Variants in CYP2D6 observed in about 807,000 individuals in gnomAD.
CYP2D6 encodes the protein cytochrome P450 2D6.
CYP2D6 carries 51 observed loss-of-function variants against 43.5 expected under a neutral mutation model. The ratio of observed to expected loss-of-function variants is 1.17; its 90% CI spans 0.94 to 1.48. CYP2D6 has a LOEUF of 1.48. Ranked by LOEUF, CYP2D6 falls within the 40% of genes most tolerant of loss-of-function variation. The pLI is 0.00. For synonymous variants in CYP2D6, 346 were observed against 297.1 expected, an observed-to-expected ratio of 1.16 and a Z score of -1.69; for missense variants, 698 against 688.0, an observed-to-expected ratio of 1.01 and a Z score of -0.16.
At position 42,129,853 on chromosome 22, in the gene CYP2D6, G is replaced by T. The variant is rs771888189; in HGVS notation, c.237C>A (p.Val79=). ...GCACGGCCGCCAGCCCATTGAGCAC[G>T]ACCACCGGCGTCCAGGCCAGCTGCA... ...FSLQLAWTPV[V]VLNGLAAVRE... is the part of the protein sequence containing the mutation. Residue 79 remains valine (V), a synonymous_variant, in exon 2 of 9, where the codon GTC becomes GTA. Transcript: ENST00000645361. The T allele has an allele frequency of 5.0e-6, 8 of 1,597,184 alleles. 1 individual carries two copies. Among genetic ancestry groups the T allele is most frequent in the Non-Finnish European group, 6.8e-6 (8 of 1,172,060 alleles).
At chr22:42,129,293 G>T in intron 2 of CYP2D6, 108 bp from the exon 3 acceptor site, 1 of 1,389,808 alleles carries the variant, frequency 7.2e-7, no homozygotes, top group Non-Finnish European at 9.9e-7. Flanking sequence ...CCCTGGCTCT[G>T]TCCAGCTGGT....
In CYP2D6 at chr22:42,129,692, C is replaced by T. The variant is rs368135263; in HGVS notation, c.352+46G>A. ...CCCAGCTCGGACTACGGTCATCACC[C>T]ACCCGGGTCCCACGGAAATCTGTCT... On this transcript the variant is annotated intron_variant, in intron 2 of 8. Transcript: ENST00000645361. 74 of 1,605,050 alleles carry T rather than the reference C, an allele frequency of 4.6e-5. 2 individuals carry two copies. Among genetic ancestry groups the T allele is most frequent in the Non-Finnish European group, 6.1e-5 (72 of 1,175,518 alleles).
At chr22:42,128,447 G>GC (rs1931352127) in intron 4 of CYP2D6, 97 bp from the exon 5 acceptor site, 1 of 1,391,414 alleles carries the variant, frequency 7.2e-7, no homozygotes, top group Non-Finnish European at 1.0e-6. Context: ...CCCAGGGCCT[G>GC]CCTGTCCTTA....
In CYP2D6 at chr22:42,130,691, G is replaced by C. The variant is rs370009591; in HGVS notation, c.101C>G (p.Pro34Arg). ...CCCGGGCAGTGGCAGGGGGCCTGGT[G>C]GGTAGCGTGCAGCCCAGCGTTGGCG... ...HRRQRWAARY[P>R]PGPLPLPGLG... The change falls in exon 1 of 9, where the codon CCA becomes CGA. Residue 34 changes from proline (P) to arginine (R), a missense_variant. Pro to Arg is a moderately radical substitution (Grantham distance 103). This residue lies in a region of CYP2D6 where 588 missense variants were observed against 521.1 expected (regional missense o/e 1.13). Transcript: ENST00000645361. The C allele has an allele frequency of 6.2e-7, 1 of 1,607,304 alleles. No homozygotes were observed. Among genetic ancestry groups the C allele is most frequent in the South Asian group, 1.1e-5 (1 of 90,184 alleles).
chr22:42,127,680 C>G, intron 6 of CYP2D6, 46 bp from the exon 7 acceptor site: 6 of 1,590,906 alleles, frequency 3.8e-6, no homozygotes, highest in African/African-American at 1.4e-5. Flanking sequence ...CCAGGGGGTC[C>G]GGCCCTGACA....
At chr22:42,129,367 T>C (rs1181666425) in intron 2 of CYP2D6, 182 bp from the exon 3 acceptor site, 1 of 927,592 alleles carries the variant, frequency 1.1e-6, no homozygotes, top group Non-Finnish European at 1.7e-6. Context: ...TTGCCCCACC[T>C]CGTCTCTGCC....
At position 42,130,660 on chromosome 22, in the gene CYP2D6, GC is replaced by G; in HGVS notation, c.131del (p.Gly44AlafsTer49). On this transcript the variant is annotated frameshift_variant, in exon 1 of 9. Transcript: ENST00000645361. LOFTEE classifies it high-confidence loss of function. ...TCTGGAAGTCCACATGCAGCAGGTT[GC>G]CCAGCCCGGGCAGTGGCAGGGGGCC... ...PPGPLPLPGL[G>X]NLLHVDFQNT... 2 of 1,608,712 alleles carry G rather than the reference GC, an allele frequency of 1.2e-6. No homozygotes were observed. The highest frequency in any genetic ancestry group is 1.7e-6 in the Non-Finnish European group (2 of 1,177,240).
rs142302759 is a variant in CYP2D6 at position 42,129,303 on chromosome 22, T to G, written c.353-118A>C. The G allele has an allele frequency of 2.2e-3, 2,946 of 1,310,724 alleles. 79 individuals carry two copies. The Middle Eastern group carries it at 0.024, about 11-fold the overall frequency. 81.2% of individuals were successfully genotyped at this position (1,310,724 alleles called of 1,614,324 possible). ...GCAGTCCCTGGCTCTGTCCAGCTGG[T>G]CACAGGGCCCACTCTTTGTGCATCC... is the stretch of plus-strand genomic sequence containing the variant. On this transcript the variant is annotated intron_variant, in intron 2 of 8. Transcript: ENST00000645361.
At chr22:42,128,452 T>C in intron 4 of CYP2D6, 102 bp from the exon 5 acceptor site, 1 of 1,334,548 alleles carries the variant, frequency 7.5e-7, no homozygotes, top group Non-Finnish European at 1.1e-6. Context: ...GGCCTGCCTG[T>C]CCTTACCACT....
Position 42,128,843 on chromosome 22 carries a change from G to C in CYP2D6, c.607C>G (p.Leu203Val), listed in dbSNP as rs778690377. The C allele has an allele frequency of 6.2e-7, 1 of 1,607,326 alleles. No homozygotes were observed. The highest frequency in any genetic ancestry group is 1.1e-5 in the South Asian group (1 of 90,154). The change falls in exon 4 of 9, where the codon CTC (leucine) becomes GTC (valine). Residue 203 changes from leucine to valine, a missense_variant. Leu to Val is a conservative substitution (Grantham distance 32). This residue lies in a region of CYP2D6 where 588 missense variants were observed against 521.1 expected (regional missense o/e 1.13). Coordinates refer to ENST00000645361, the MANE Select transcript of CYP2D6 (RefSeq NM_000106.6). The part of the protein sequence containing the change: ...RRFEYDDPRF[L>V]RLLDLAQEGL... ...TCCTGAGCTAGGTCCAGCAGCCTGA[G>C]GAAGCGAGGGTCGTCGTACTCGAAG...
chr22:42,129,939 A>T (rs1931796267), intron 1 of CYP2D6, 30 bp from the exon 2 acceptor site: 1 of 1,521,186 alleles, frequency 6.6e-7, no homozygotes, highest in Non-Finnish European at 8.8e-7. Context: ...GCCTCTTGTC[A>T]AGCCAGGATC....
Position 42,127,513 on chromosome 22 carries a change from G to A in CYP2D6, c.1107C>T (p.Ile369=), listed in dbSNP as rs149686350. Residue 369 remains isoleucine (I), a synonymous_variant, in exon 7 of 9, where the codon ATC becomes ATT. Transcript: ENST00000645361. ...VIHEVQRFGD[I]VPLGVTHMTS... ...TCATATGGGTCACACCCAGGGGGAC[G>A]ATGTCCCCAAAGCGCTGCACCTCAT... 208 of 1,611,376 alleles carry A rather than the reference G, an allele frequency of 1.3e-4. 1 individual carries two copies. Among genetic ancestry groups the A allele is most frequent in the Middle Eastern group, 6.6e-4 (4 of 6,074 alleles).
At chr22:42,127,304 C>A (rs1389694122) in intron 7 of CYP2D6, 143 bp downstream of exon 7, 14 of 1,193,750 alleles carry the variant, frequency 1.2e-5, no homozygotes, top group African/African-American at 3.0e-5. Flanking sequence ...TCTGGACCCC[C>A]CACCCAAGTG....
Position 42,127,674 on chromosome 22 carries a change from G to A in CYP2D6, c.986-40C>T, listed in dbSNP as rs763067759. 152 of 1,600,178 alleles carry A rather than the reference G, an allele frequency of 9.5e-5. 3 individuals carry two copies. The highest frequency in any genetic ancestry group is 1.3e-4 in the Non-Finnish European group (148 of 1,168,744). On this transcript the variant is annotated intron_variant, in intron 6 of 8. Transcript: ENST00000645361. ...GTCCCCACAATGGGTCAGCACCCAG[G>A]GGGTCCGGCCCTGACACTCCTTCTT... is the stretch of plus-strand genomic sequence containing the variant.
intron 2 of CYP2D6, 31 bp from the exon 3 acceptor site, chr22:42,129,216 C>T (rs768749385): frequency 1.9e-6 from 3 of 1,596,100 alleles, no homozygotes; most frequent in South Asian, 1.1e-5. Context: ...TGCGCGTGGC[C>T]ATGAAGGCAT....
At position 42,126,697 on chromosome 22, in the gene CYP2D6, G is replaced by A; in HGVS notation, c.1371C>T (p.Phe457=). The change falls in exon 9 of 9, where the codon TTC becomes TTT. Residue 457 remains phenylalanine (F), a synonymous_variant. Transcript: ENST00000645361. The part of the protein sequence containing the change: ...PLARMELFLF[F]TSLLQHFSFS... ...AGCTGAAGTGCTGCAGCAGGGAGGT[G>A]AAGAAGAGGAAGAGCTCCATGCGGG... is the stretch of plus-strand genomic sequence containing the variant. 2 of 1,591,184 alleles carry A rather than the reference G, an allele frequency of 1.3e-6. No individual in the cohort carries two copies. The highest frequency in any genetic ancestry group is 1.7e-6 in the Non-Finnish European group (2 of 1,169,376).
rs375323434 is a variant in CYP2D6 at position 42,130,750 on chromosome 22, G to A, written c.42C>T (p.Ala14=). Residue 14 remains alanine, a synonymous_variant, in exon 1 of 9, where the codon GCC becomes GCT. Coordinates refer to ENST00000645361, the MANE Select transcript of CYP2D6 (RefSeq NM_000106.6). ...EALVPLAVIV[A]IFLLLVDLMH... Reference sequence around the variant, plus strand: ...TCAGGTCCACCAGGAGCAGGAAGATGGCCACTATCACGGCCAGGGGCACCA... The same window carrying A: ...TCAGGTCCACCAGGAGCAGGAAGATAGCCACTATCACGGCCAGGGGCACCA... The A allele has an allele frequency of 8.2e-6, 13 of 1,593,870 alleles. 1 individual carries two copies. The highest frequency in any genetic ancestry group is 1.7e-4 in the Middle Eastern group (1 of 5,892).
intron 2 of CYP2D6, 57 bp downstream of exon 2, chr22:42,129,681 C>A (rs1294507967): frequency 6.3e-6 from 10 of 1,598,100 alleles, no homozygotes; most frequent in Middle Eastern, 1.6e-4. Flanking sequence ...GCTCGGACTA[C>A]GGTCATCACC....
intron 6 of CYP2D6, 69 bp downstream of exon 6, chr22:42,127,773 C>G (rs1931173618): frequency 1.9e-6 from 3 of 1,593,372 alleles, no homozygotes; most frequent in Non-Finnish European, 2.6e-6. Flanking sequence ...GGTGTCCCAG[C>G]AAAGTTCATG....
Sources: gnomAD v4.1 joint callset for allele counts on GRCh38, gnomAD v4.1.1 for gene constraint, gnomAD v4.1.1 regional missense constraint, MANE v1.5 for transcripts, NCBI Gene and HGNC (gene_info 2026-07-23, HGNC 2026-07-21) for gene names.